CALCRL: variants seen among roughly 807,000 people sequenced by gnomAD.
The protein encoded by CALCRL is calcitonin receptor like receptor.
CALCRL carries 27 observed loss-of-function variants against 60.4 expected under a neutral mutation model. That is an observed-to-expected ratio of 0.45 (90% confidence interval 0.33 to 0.62). The LOEUF is 0.62. CALCRL is among the 20% of genes least tolerant of loss of function. The pLI is 0.03. For synonymous variants in CALCRL, 190 were observed against 182.6 expected, an observed-to-expected ratio of 1.04 and a Z score of -0.33; for missense variants, 424 against 540.7, an observed-to-expected ratio of 0.78 and a Z score of 2.14.
At chr2:187,369,580 A>G (rs530579515) in intron 8 of CALCRL, among the ~76,000 whole-genome samples, 2 of 152,188 alleles carry the variant, frequency 1.3e-5, no homozygotes, top group Admixed American at 6.5e-5. Flanking sequence ...CTACTTTATA[A>G]TCCATCTAGT....
At chr2:187,363,571 G>T (rs889644378) in intron 8 of CALCRL, 69 bp from the exon 9 acceptor site, 11 of 1,403,408 alleles carry the variant, frequency 7.8e-6, no homozygotes, top group Non-Finnish European at 9.5e-6. Context: ...ATTCAAATAA[G>T]ATACATTCCC....
intron 14 of CALCRL, among the ~76,000 whole-genome samples, chr2:187,350,249 C>T (rs1435593803): frequency 6.6e-6 from 1 of 151,586 alleles, no homozygotes; most frequent in Non-Finnish European, 1.5e-5. Context: ...CTATTTCATG[C>T]ATGTTCTTTA....
chr2:187,383,119 A>T, intron 5 of CALCRL, 54 bp downstream of exon 5: 1 of 1,550,246 alleles, frequency 6.5e-7, no homozygotes, highest in Non-Finnish European at 8.8e-7. Flanking sequence ...TAATGGGAGT[A>T]GTTTTCTTTT....
At chr2:187,349,905 A>G (rs772528461) in intron 14 of CALCRL, among the ~76,000 whole-genome samples, 9 of 151,712 alleles carry the variant, frequency 5.9e-5, no homozygotes, top group Non-Finnish European at 1.2e-4. Context: ...TTGACAAATC[A>G]AATAATAAGT....
intron 1 of CALCRL, among the ~76,000 whole-genome samples, chr2:187,425,960 C>T (rs917425031): frequency 6.6e-6 from 1 of 151,838 alleles, no homozygotes; most frequent in Non-Finnish European, 1.5e-5. Context: ...TTCTTCACAG[C>T]GGTTGGAAAT....
At chr2:187,387,031 T>A (rs187736189) in intron 3 of CALCRL, among the ~76,000 whole-genome samples, 17 of 152,266 alleles carry the variant, frequency 1.1e-4, no homozygotes, top group Admixed American at 2.6e-4. Context: ...GTCTTGGGTA[T>A]GTGTTTATCA....
intron 1 of CALCRL, among the ~76,000 whole-genome samples, chr2:187,390,689 G>A (rs75747778): frequency 0.039 from 5,874 of 152,110 alleles, 360 homozygotes; most frequent in African/African-American, 0.13. Flanking sequence ...CACTTTTATA[G>A]CTTTCCTTCT....
At chr2:187,402,358 A>G (rs1023567594) in intron 1 of CALCRL, among the ~76,000 whole-genome samples, 1 of 151,654 alleles carries the variant, frequency 6.6e-6, no homozygotes, top group Admixed American at 6.6e-5. Context: ...ACTCAATTAA[A>G]TTTTATGTGT....
At chr2:187,360,430 T>C (rs1687001975) in intron 10 of CALCRL, among the ~76,000 whole-genome samples, 168 bp downstream of exon 10, 1 of 152,098 alleles carries the variant, frequency 6.6e-6, no homozygotes, top group Non-Finnish European at 1.5e-5. Flanking sequence ...GATGAGTCAG[T>C]GATACTTTGC....
chr2:187,447,763 G>A (rs1691259798), intron 1 of CALCRL, among the ~76,000 whole-genome samples: 1 of 151,876 alleles, frequency 6.6e-6, no homozygotes, highest in Admixed American at 6.6e-5. Context: ...TGTGATTAAG[G>A]TATTTGTTCA....
intron 8 of CALCRL, among the ~76,000 whole-genome samples, chr2:187,370,270 A>G (rs772496707): frequency 1.1e-4 from 17 of 152,238 alleles, no homozygotes; most frequent in Admixed American, 2.0e-4. Flanking sequence ...TTTCTCATAT[A>G]TGTCTGTGGG....
intron 8 of CALCRL, among the ~76,000 whole-genome samples, chr2:187,363,786 T>C (rs1290821041): frequency 1.3e-5 from 2 of 152,198 alleles, no homozygotes; most frequent in African/African-American, 2.4e-5. Flanking sequence ...TTTCTGAACA[T>C]AATTAATAGT....
In CALCRL at chr2:187,426,710, G is replaced by A. The variant is rs574601242; in HGVS notation, c.-293+21329C>T. 8.0e-4 allele frequency among the ~76,000 whole-genome samples: 121 copies of A among 152,118 alleles called. 1 individual carries two copies. The highest frequency in any genetic ancestry group is 2.8e-3 in the African/African-American group (117 of 41,520). ...TGATCACCTTACAACAATCATGTAAGGTAGGTACTATGCTTAACCCAGCTT... is the reference window on the plus strand; with the variant it reads ...TGATCACCTTACAACAATCATGTAAAGTAGGTACTATGCTTAACCCAGCTT... On this transcript the variant is annotated intron_variant, in intron 1 of 14. Coordinates refer to ENST00000392370, the MANE Select transcript of CALCRL (RefSeq NM_005795.6).
At chr2:187,385,295 A>C (rs1688159846) in intron 4 of CALCRL, among the ~76,000 whole-genome samples, 1 of 151,878 alleles carries the variant, frequency 6.6e-6, no homozygotes, top group Admixed American at 6.6e-5. Context: ...TCAATCTCTG[A>C]TTACTTTCCT....
rs565661659 is a variant in CALCRL at position 187,389,228 on chromosome 2, G to A, written c.-292-1472C>T. 1.9e-3 allele frequency among the ~76,000 whole-genome samples: 288 copies of A among 151,850 alleles called. 1 individual carries two copies. Among genetic ancestry groups the A allele is most frequent in the Non-Finnish European group, 3.5e-3 (237 of 67,914 alleles). Reference sequence around the variant, plus strand: ...ACTGGTGTTACAGGCGCCCACCACTGCGCCTGGCTAATTTTTGTATTTTTA... The same window carrying A: ...ACTGGTGTTACAGGCGCCCACCACTACGCCTGGCTAATTTTTGTATTTTTA... On this transcript the variant is annotated intron_variant, in intron 1 of 14. Coordinates refer to ENST00000392370, the MANE Select transcript of CALCRL (RefSeq NM_005795.6).
At chr2:187,423,426 GT>G (rs1289955255) in intron 1 of CALCRL, among the ~76,000 whole-genome samples, 2 of 151,128 alleles carry the variant, frequency 1.3e-5, no homozygotes, top group East Asian at 3.9e-4. Flanking sequence ...TATCAAATAT[GT>G]AGAATCTGAG....
chr2:187,438,535 C>T (rs141162435), intron 1 of CALCRL, among the ~76,000 whole-genome samples: 6 of 152,026 alleles, frequency 3.9e-5, no homozygotes, highest in African/African-American at 1.2e-4. Context: ...AATTTCATTG[C>T]TAAGTTGTTT....
chr2:187,379,095 A>C (rs1031913413), intron 7 of CALCRL, 64 bp from the exon 8 acceptor site: 1 of 776,592 alleles, frequency 1.3e-6, no homozygotes, highest in Admixed American at 2.0e-5. Context: ...GTAATCCCAC[A>C]CATGCAGAAG....
chr2:187,369,391 C>T (rs565407702), intron 8 of CALCRL, among the ~76,000 whole-genome samples: 1 of 152,096 alleles, frequency 6.6e-6, no homozygotes, highest in African/African-American at 2.4e-5. Context: ...TTTTGAAACC[C>T]TTAGACTATC....
Sources: allele counts gnomAD v4.1 joint callset (sites outside exome capture counted in the v4.1 genomes callset), GRCh38; gene constraint gnomAD v4.1.1; transcripts MANE v1.5; gene names NCBI Gene and HGNC (gene_info 2026-07-23, HGNC 2026-07-21).